SAMD3: variants seen among roughly 807,000 people sequenced by gnomAD.
The protein encoded by SAMD3 is sterile alpha motif domain-containing protein 3.
SAMD3 carries 63 observed loss-of-function variants against 58.5 expected under a neutral mutation model. The ratio of observed to expected loss-of-function variants is 1.08; its 90% CI spans 0.88 to 1.33. The LOEUF is 1.33. SAMD3 is among the 40% of genes most tolerant of loss of function. SAMD3 has a pLI of 0.00. For missense variants in SAMD3, 604 were observed against 608.4 expected, an observed-to-expected ratio of 0.99 and a Z score of 0.08; for synonymous variants, 220 against 210.3, an observed-to-expected ratio of 1.05 and a Z score of -0.40.
At position 130,194,103 on chromosome 6, in the gene SAMD3, G is replaced by T. The variant is rs960134313; in HGVS notation, c.384-9480C>A. Among the ~76,000 whole-genome samples the T allele has an allele frequency of 1.4e-3, 207 of 152,082 alleles. 5 individuals carry two copies. Among genetic ancestry groups the T allele is most frequent in the Non-Finnish European group, 4.1e-4 (28 of 68,030 alleles). ...TTATCACCACCCCTCCTCACACCCA[G>T]TCTGGCTTACAGTTTCATTCTGCGA... On this transcript the variant is annotated intron_variant, in intron 5 of 11. Coordinates refer to ENST00000439090, the MANE Select transcript of SAMD3 (RefSeq NM_001017373.4).
At position 130,210,021 on chromosome 6, in the gene SAMD3, C is replaced by T. The variant is rs558503935; in HGVS notation, c.270-413G>A. Among the ~76,000 whole-genome samples the T allele has an allele frequency of 7.2e-5, 11 of 152,270 alleles. 1 individual carries two copies. In the South Asian group the frequency reaches 2.3e-3, roughly 32 times the overall value. Reference sequence around the variant, plus strand: ...GGGAGACATTTTATTATCTGTGAAACCTCAGGATCTTAGAAACATACTCTG... The same window carrying T: ...GGGAGACATTTTATTATCTGTGAAATCTCAGGATCTTAGAAACATACTCTG... On this transcript the variant is annotated intron_variant, in intron 4 of 11. Coordinates refer to ENST00000439090, the MANE Select transcript of SAMD3 (RefSeq NM_001017373.4).
chr6:130,342,794 G>A (rs994366134), intron 1 of SAMD3, among the ~76,000 whole-genome samples: 3 of 152,098 alleles, frequency 2.0e-5, no homozygotes, highest in Non-Finnish European at 2.9e-5. Flanking sequence ...CCTGAAAGGT[G>A]GCAATAAGAA....
intron 2 of SAMD3, among the ~76,000 whole-genome samples, chr6:130,307,783 T>A (rs1001353944): frequency 6.6e-6 from 1 of 152,216 alleles, no homozygotes; most frequent in Non-Finnish European, 1.5e-5. Flanking sequence ...TTAATCATTA[T>A]AATCAATGTT....
intron 2 of SAMD3, among the ~76,000 whole-genome samples, chr6:130,254,927 A>C (rs1352063891): frequency 6.6e-6 from 1 of 152,168 alleles, no homozygotes; most frequent in Non-Finnish European, 1.5e-5. Flanking sequence ...TTTTGATGTA[A>C]ATAATCATTG....
chr6:130,261,955 G>A (rs1168465163), intron 2 of SAMD3, among the ~76,000 whole-genome samples: 1 of 151,836 alleles, frequency 6.6e-6, no homozygotes, highest in Non-Finnish European at 1.5e-5. Context: ...CAGAGAGAGA[G>A]ACAGAGAGGA....
chr6:130,233,441 G>T (rs1488102434), intron 2 of SAMD3, among the ~76,000 whole-genome samples: 1 of 152,134 alleles, frequency 6.6e-6, no homozygotes, highest in Non-Finnish European at 1.5e-5. Context: ...GAAAGGATTT[G>T]ATTTAAATTT....
chr6:130,306,563 T>A (rs546062519), intron 2 of SAMD3, among the ~76,000 whole-genome samples: 1 of 152,130 alleles, frequency 6.6e-6, no homozygotes, highest in African/African-American at 2.4e-5. Flanking sequence ...CGACAGAAAT[T>A]AGAAACAAAT....
intron 8 of SAMD3, among the ~76,000 whole-genome samples, chr6:130,167,250 T>C (rs1790812540): frequency 6.6e-6 from 1 of 152,128 alleles, no homozygotes; most frequent in Non-Finnish European, 1.5e-5. Flanking sequence ...CAGAACACAT[T>C]CTGGAACATT....
intron 2 of SAMD3, among the ~76,000 whole-genome samples, chr6:130,309,080 A>T (rs187933198): frequency 1.4e-3 from 211 of 152,330 alleles, no homozygotes; most frequent in Non-Finnish European, 2.4e-3. Context: ...CATAAGTTTG[A>T]CCCTAGTGAG....
chr6:130,172,069 T>C (rs1377405453), intron 8 of SAMD3, among the ~76,000 whole-genome samples: 1 of 152,236 alleles, frequency 6.6e-6, no homozygotes, highest in Non-Finnish European at 1.5e-5. Context: ...TTTGTAAATA[T>C]TCCTCCATCC....
chr6:130,221,945 T>C (rs1427514583), intron 1 of SAMD3, among the ~76,000 whole-genome samples: 5 of 152,210 alleles, frequency 3.3e-5, no homozygotes, highest in Admixed American at 2.6e-4. Context: ...TTAAATACCA[T>C]CTTCATTTAT....
chr6:130,360,472 T>C (rs946164491), intron 1 of SAMD3, among the ~76,000 whole-genome samples: 1 of 152,094 alleles, frequency 6.6e-6, no homozygotes, highest in Non-Finnish European at 1.5e-5. Context: ...AACCAGTAAG[T>C]TTTTATTAGG....
chr6:130,217,352 C>T (rs4897378), intron 1 of SAMD3, among the ~76,000 whole-genome samples: 31,253 of 151,904 alleles, frequency 0.21, 4,014 homozygotes, highest in East Asian at 0.43. Flanking sequence ...CAGAAACATA[C>T]GAAAATATTT....
intron 2 of SAMD3, among the ~76,000 whole-genome samples, chr6:130,309,491 C>T (rs2114986237): frequency 6.6e-6 from 1 of 152,228 alleles, no homozygotes; most frequent in South Asian, 2.1e-4. Flanking sequence ...GCTTTTAAGT[C>T]CACAAAGTCA....
intron 5 of SAMD3, among the ~76,000 whole-genome samples, chr6:130,200,104 GA>G (rs543294842): frequency 1.5e-3 from 222 of 147,486 alleles, no homozygotes; most frequent in Admixed American, 2.4e-3. Context: ...AAACAAAGCA[GA>G]AAAAAAAAAC....
chr6:130,160,563 T>C (rs1790197738), intron 8 of SAMD3: 2 of 152,108 alleles, frequency 1.3e-5, no homozygotes, highest in Non-Finnish European at 2.9e-5. Flanking sequence ...GCAGAGCATG[T>C]TACGGGAATG....
intron 2 of SAMD3, among the ~76,000 whole-genome samples, chr6:130,244,737 CAAAAAAAAAATA>C (rs1554266494): frequency 8.4e-6 from 1 of 118,758 alleles, no homozygotes; most frequent in African/African-American, 4.0e-5. Flanking sequence ...GAGCCTGTCT[CAAAAAAAAAATA>C]AAAATAAAAA....
At chr6:130,284,601 G>A (rs1337123490) in intron 2 of SAMD3, among the ~76,000 whole-genome samples, 1 of 152,172 alleles carries the variant, frequency 6.6e-6, no homozygotes, top group Non-Finnish European at 1.5e-5. Context: ...TGGGTGGTAA[G>A]TATTCAATAA....
chr6:130,348,006 C>A (rs1412050719), intron 1 of SAMD3, among the ~76,000 whole-genome samples: 2 of 152,080 alleles, frequency 1.3e-5, no homozygotes, highest in Non-Finnish European at 2.9e-5. Context: ...GAAATAAAAT[C>A]CTTTACAGAC....
Sources: allele counts gnomAD v4.1 joint callset (sites outside exome capture counted in the v4.1 genomes callset), GRCh38; gene constraint gnomAD v4.1.1; transcripts MANE v1.5; gene names NCBI Gene and HGNC (gene_info 2026-07-23, HGNC 2026-07-21).